The following GALNS variants were observed in gnomAD, a reference collection of about 807,000 sequenced individuals.
GALNS encodes the protein N-acetylgalactosamine-6-sulfatase.
In GALNS, 65 loss-of-function variants were observed where a neutral mutation model predicts 65.9. The observed-to-expected ratio is 0.99, with a 90% CI of 0.81 to 1.21. The LOEUF is 1.21. Among genes scored for constraint, GALNS ranks in the 50% most tolerant of loss-of-function variants. The pLI, the probability that GALNS is intolerant of heterozygous loss-of-function variation, is 0.00. For missense variants in GALNS, 776 were observed against 700.7 expected, an observed-to-expected ratio of 1.11 and a Z score of -1.21; for synonymous variants, 346 against 288.9, an observed-to-expected ratio of 1.20 and a Z score of -2.00.
intron 1 of GALNS, among the ~76,000 whole-genome samples, chr16:88,852,973 G>A (rs1453174904): frequency 1.3e-5 from 2 of 151,864 alleles, no homozygotes; most frequent in African/African-American, 2.4e-5. Flanking sequence ...AGTCCTGGCT[G>A]GGTGTGGTGG....
At chr16:88,856,150 T>C in intron 1 of GALNS, 1 of 702,610 alleles carries the variant, frequency 1.4e-6, no homozygotes, top group Non-Finnish European at 2.6e-6. Context: ...GACCCCGCAC[T>C]TGCCCACCAG....
chr16:88,839,818 C>A (rs545497546), intron 4 of GALNS, among the ~76,000 whole-genome samples: 60 of 152,334 alleles, frequency 3.9e-4, no homozygotes, highest in African/African-American at 1.3e-3. Context: ...AGACCCACTC[C>A]CTGTCTAGCT....
intron 12 of GALNS, among the ~76,000 whole-genome samples, chr16:88,820,658 G>A (rs985126446): frequency 1.3e-5 from 2 of 152,258 alleles, no homozygotes; most frequent in East Asian, 3.8e-4. Context: ...GGGCGGGGCT[G>A]GGTGGCTGTG....
At chr16:88,829,342 C>T (rs1277206633) in intron 9 of GALNS, among the ~76,000 whole-genome samples, 2 of 152,218 alleles carry the variant, frequency 1.3e-5, no homozygotes, top group Non-Finnish European at 2.9e-5. Flanking sequence ...CCTAGGGGCA[C>T]CCCACACCAC....
chr16:88,815,686 T>C (rs186897933), intron 13 of GALNS: 3 of 985,442 alleles, frequency 3.0e-6, no homozygotes, highest in Admixed American at 6.1e-5. Flanking sequence ...AGACTTTGGA[T>C]TCTGGGTGCT....
intron 1 of GALNS, chr16:88,856,340 G>A (rs372253680): frequency 7.1e-6 from 5 of 702,576 alleles, no homozygotes; most frequent in East Asian, 2.7e-5. Flanking sequence ...GGCAGGAGCA[G>A]CCTCTTCCTC....
chr16:88,820,291 G>T (rs954144994), intron 12 of GALNS, among the ~76,000 whole-genome samples: 2 of 151,834 alleles, frequency 1.3e-5, no homozygotes, highest in African/African-American at 4.8e-5. Context: ...AACACATCCA[G>T]CTAATTTTTT....
rs1408544755 is a variant in GALNS at position 88,836,153 on chromosome 16, C to G, written c.633+48G>C. Reference sequence around the variant, plus strand: ...CCCACAGGATGAGGTTGGTGCGGTCCCCGTCCCCATGCGTCCCACAGGGCG... The same window carrying G: ...CCCACAGGATGAGGTTGGTGCGGTCGCCGTCCCCATGCGTCCCACAGGGCG... On this transcript the variant is annotated intron_variant, in intron 6 of 13. Transcript: ENST00000268695. 1.9e-6 allele frequency: 3 copies of G among 1,558,432 alleles called. No homozygotes were observed. The East Asian group carries it at 6.8e-5, about 35-fold the overall frequency.
Position 88,832,965 on chromosome 16 carries a change from C to G in GALNS, c.899-864G>C, listed in dbSNP as rs563586899. On this transcript the variant is annotated intron_variant, in intron 8 of 13. Coordinates refer to ENST00000268695, the MANE Select transcript of GALNS (RefSeq NM_000512.5). ...GTGGCGGCACGTCCTGTAGTCCCAG[C>G]TACTCAGGAGGCTGAGGTGGGAGGA... Among the ~76,000 whole-genome samples, 5 of 150,632 alleles carry G rather than the reference C, an allele frequency of 3.3e-5. No individual in the cohort carries two copies. The South Asian group carries it at 8.4e-4, about 25-fold the overall frequency.
At chr16:88,827,037 C>T in intron 9 of GALNS, 199 bp from the exon 10 acceptor site, 1 of 645,400 alleles carries the variant, frequency 1.5e-6, no homozygotes, top group South Asian at 1.9e-5. Flanking sequence ...GGCCCAAAGA[C>T]CCCAGAGCCA....
chr16:88,832,363 CAG>C (rs1286739970), intron 8 of GALNS, among the ~76,000 whole-genome samples: 1 of 152,204 alleles, frequency 6.6e-6, no homozygotes, highest in African/African-American at 2.4e-5. Flanking sequence ...CAGCAAGACT[CAG>C]AGAGGTACAC....
intron 8 of GALNS, 82 bp downstream of exon 8, chr16:88,835,131 C>A (rs1419273652): frequency 2.8e-5 from 42 of 1,519,958 alleles, no homozygotes; most frequent in Admixed American, 3.9e-5. Context: ...CACCACAGAC[C>A]CCGTGGGCAC....
intron 13 of GALNS, chr16:88,816,301 G>A (rs944350132): frequency 9.1e-6 from 9 of 985,316 alleles, no homozygotes; most frequent in African/African-American, 1.7e-5. Context: ...CGTAGAGAAG[G>A]ACCCAGCAGC....
chr16:88,840,923 G>C (rs775785818), intron 4 of GALNS, 69 bp downstream of exon 4: 17 of 1,240,818 alleles, frequency 1.4e-5, no homozygotes, highest in Non-Finnish European at 1.9e-5. Context: ...TTGTGGCCAT[G>C]TCCCTTGGAA....
intron 1 of GALNS, chr16:88,855,673 G>A (rs538937099): frequency 2.9e-4 from 173 of 597,280 alleles, no homozygotes; most frequent in South Asian, 1.1e-3. Context: ...ATTGTTAAGT[G>A]AGATATTTTA....
intron 1 of GALNS, among the ~76,000 whole-genome samples, chr16:88,846,302 G>A (rs916528436): frequency 6.6e-6 from 1 of 152,104 alleles, no homozygotes; most frequent in African/African-American, 2.4e-5. Flanking sequence ...CCCACACACT[G>A]CAGTCCTTAT....
At chr16:88,849,477 G>T (rs1967407220) in intron 1 of GALNS, among the ~76,000 whole-genome samples, 1 of 152,110 alleles carries the variant, frequency 6.6e-6, no homozygotes, top group African/African-American at 2.4e-5. Context: ...TATAGAGATG[G>T]GGTTTCACCA....
intron 4 of GALNS, 149 bp from the exon 5 acceptor site, chr16:88,837,914 CAA>C (rs1478860397): frequency 1.6e-5 from 12 of 770,872 alleles, no homozygotes; most frequent in African/African-American, 1.4e-4. Context: ...ACGGCAGGGA[CAA>C]AAGACCAAGG....
chr16:88,852,489 C>T (rs1329108386), intron 1 of GALNS, among the ~76,000 whole-genome samples: 1 of 152,214 alleles, frequency 6.6e-6, no homozygotes, highest in East Asian at 1.9e-4. Context: ...TCCAAAGGAT[C>T]GCAGCTCCTC....
Sources: gnomAD v4.1 joint callset for allele counts (sites outside exome capture counted in the v4.1 genomes callset) on GRCh38, gnomAD v4.1.1 for gene constraint, MANE v1.5 for transcripts, NCBI Gene and HGNC (gene_info 2026-07-23, HGNC 2026-07-21) for gene names.